Variants in TRABD observed in about 807,000 individuals in gnomAD.
TRABD encodes TraB domain containing.
In TRABD, 23 loss-of-function variants were observed where a neutral mutation model predicts 39.6. The observed-to-expected ratio is 0.58, with a 90% confidence interval of 0.42 to 0.82. The LOEUF (loss-of-function observed/expected upper bound fraction) is 0.82. Ranked by LOEUF, TRABD falls within the 40% of genes least tolerant of loss-of-function variation. The pLI, the probability that TRABD is intolerant of heterozygous loss-of-function variation, is 0.00. For synonymous variants in TRABD, 243 were observed against 232.1 expected (o/e 1.05, Z -0.43); for missense variants, 487 against 544.9 (o/e 0.89, Z 1.06).
chr22:50,197,753 C>G (rs1213747117), intron 7 of TRABD, 70 bp from the exon 8 acceptor site: 4 of 1,582,100 alleles, frequency 2.5e-6, no homozygotes, highest in Non-Finnish European at 3.4e-6. Flanking sequence ...TGCCCGGTGT[C>G]CACAGTGCCA....
At chr22:50,197,763 A>AGCCCCCCCCCCCCCCCCCCCGT in intron 7 of TRABD, 60 bp from the exon 8 acceptor site, 2 of 1,439,782 alleles carry the variant, frequency 1.4e-6, no homozygotes, top group Non-Finnish European at 1.9e-6. Context: ...CCACAGTGCC[A>AGCCCCCCCCCCCCCCCCCCCGT]GCCCCACCCC....
intron 1 of TRABD, among the ~76,000 whole-genome samples, chr22:50,189,388 G>A (rs1046862832): frequency 2.0e-5 from 3 of 152,170 alleles, no homozygotes; most frequent in South Asian, 4.1e-4. Context: ...CCCACAAATC[G>A]TGTTCAGCAC....
At chr22:50,197,766 C>CCCCCCCCCCCCCCCGGGG in intron 7 of TRABD, 57 bp from the exon 8 acceptor site, 1 of 925,782 alleles carries the variant, frequency 1.1e-6, no homozygotes, top group Non-Finnish European at 1.7e-6. Context: ...CAGTGCCAGC[C>CCCCCCCCCCCCCCCGGGG]CCACCCCCCC....
In TRABD at chr22:50,198,260, C is replaced by G. The variant is rs2064196720; in HGVS notation, c.956+74C>G. 6.6e-7 allele frequency: 1 copy of G among 1,524,858 alleles called. No individual in the cohort carries two copies. The highest frequency in any genetic ancestry group is 8.9e-7 in the Non-Finnish European group (1 of 1,121,580). 94.5% of individuals were successfully genotyped at this position (1,524,858 alleles called of 1,614,324 possible). A position where few individuals can be genotyped will look rare whatever the true frequency, so the allele number is the denominator to read the frequency against. On this transcript the variant is annotated intron_variant, in intron 9 of 9. Transcript: ENST00000380909. The surrounding 1 kb of genome is among the most constrained non-coding windows in gnomAD (Gnocchi z 7.9). Reference sequence around the variant, plus strand: ...GGAGGCTGAGCGCCCTGGAGGCCAACCACATGCGGCAGTGACCCAGGCATG... The same window carrying G: ...GGAGGCTGAGCGCCCTGGAGGCCAAGCACATGCGGCAGTGACCCAGGCATG...
intron 1 of TRABD, among the ~76,000 whole-genome samples, chr22:50,187,072 C>G (rs1014368304): frequency 6.6e-6 from 1 of 152,222 alleles, no homozygotes; most frequent in Admixed American, 6.5e-5. Flanking sequence ...TTGCTGCCGC[C>G]GCCCTTGCAG....
Position 50,198,071 on chromosome 22 carries a change from A to G in TRABD, c.845-4A>G, listed in dbSNP as rs1485495593. The G allele has an allele frequency of 5.6e-6, 9 of 1,612,288 alleles. No homozygotes were observed. Among genetic ancestry groups the G allele is most frequent in the Non-Finnish European group, 7.6e-6 (9 of 1,179,588 alleles). On this transcript the variant is annotated splice_region_variant and splice_polypyrimidine_tract_variant and intron_variant, in intron 8 of 9. Transcript: ENST00000380909. The surrounding 1 kb of genome is among the most constrained non-coding windows in gnomAD (Gnocchi z 7.9). Reference sequence around the variant, plus strand: ...AGGTACTGACCCCTTGTCCTTCCCCACAGCCGAGCCCAGGAAGTGCGTCCC... The same window carrying G: ...AGGTACTGACCCCTTGTCCTTCCCCGCAGCCGAGCCCAGGAAGTGCGTCCC...
chr22:50,198,823 G>A lies in TRABD; in HGVS notation c.*304G>A, dbSNP rs975072251. The A allele has an allele frequency of 1.6e-4, 88 of 544,076 alleles. No homozygotes were observed. The highest frequency in any genetic ancestry group is 1.0e-3 in the African/African-American group (54 of 51,956). 33.7% of individuals were successfully genotyped at this position (544,076 alleles called of 1,614,324 possible). On this transcript the variant is annotated 3_prime_UTR_variant, in exon 10 of 10. Coordinates refer to ENST00000380909, the MANE Select transcript of TRABD (RefSeq NM_001320485.2). The surrounding 1 kb of genome is among the most constrained non-coding windows in gnomAD (Gnocchi z 7.9). ...AGGGGCTTATAGGAGGGGCCGAGGC[G>A]TGCGCTGCCCTCTCAGCCCTGGTGG...
At chr22:50,193,699 G>C in intron 3 of TRABD, 45 bp downstream of exon 3, 4 of 1,586,554 alleles carry the variant, frequency 2.5e-6, no homozygotes, top group Non-Finnish European at 3.5e-6. Context: ...GTGTTGGGCT[G>C]TTGAGTCAGG....
Position 50,199,070 on chromosome 22 carries a change from T to C in TRABD, c.*551T>C, listed in dbSNP as rs2064234267. ...CCTGCAGGGATTCTGTGTTTTTGGCTTTTTTAATGTCTTAAAATCTTTTAC... is the reference window on the plus strand; with the variant it reads ...CCTGCAGGGATTCTGTGTTTTTGGCCTTTTTAATGTCTTAAAATCTTTTAC... On this transcript the variant is annotated 3_prime_UTR_variant, in exon 10 of 10. Coordinates refer to ENST00000380909, the MANE Select transcript of TRABD (RefSeq NM_001320485.2). The C allele has an allele frequency of 1.4e-6, 1 of 712,984 alleles. No individual in the cohort carries two copies. The highest frequency in any genetic ancestry group is 2.6e-6 in the Non-Finnish European group (1 of 382,630). 44.2% of individuals were successfully genotyped at this position (712,984 alleles called of 1,614,324 possible).
intron 5 of TRABD, among the ~76,000 whole-genome samples, chr22:50,195,638 A>G (rs1266348875): frequency 6.6e-6 from 1 of 151,446 alleles, no homozygotes; most frequent in Non-Finnish European, 1.5e-5. Flanking sequence ...AATTTTTTGT[A>G]TTTTTAGTAG....
intron 3 of TRABD, 27 bp from the exon 4 acceptor site, chr22:50,194,313 C>T: frequency 2.5e-6 from 4 of 1,602,854 alleles, no homozygotes; most frequent in East Asian, 2.2e-5. Context: ...GGGCCCGGCA[C>T]CACAACGGCC....
In TRABD at chr22:50,193,597, CCGTCAGAGG is replaced by C. The variant is rs1569083388; in HGVS notation, c.57_65del (p.Ala22_Glu24del). On this transcript the variant is annotated inframe_deletion, in exon 3 of 10. Transcript: ENST00000380909. ...GCAGGCCAACGTGGAACCTGTTGTG[CCGTCAGAGG>C]CTTCAGAGCCGGTGCCCAGGGTGCT... 1 of 1,613,798 alleles carries C rather than the reference CCGTCAGAGG, an allele frequency of 6.2e-7. No individual in the cohort carries two copies. Among genetic ancestry groups the C allele is most frequent in the Admixed American group, 1.7e-5 (1 of 60,014 alleles).
intron 5 of TRABD, 26 bp downstream of exon 5, chr22:50,195,066 G>A (rs1268582210): frequency 6.5e-7 from 1 of 1,543,022 alleles, no homozygotes; most frequent in East Asian, 2.4e-5. Context: ...CAAGGGTCAG[G>A]GTCAGGGTCG....
rs185343639 is a variant in TRABD, at chr22:50,195,575, G to A, written c.420+535G>A. On this transcript the variant is annotated intron_variant, in intron 5 of 9. Coordinates refer to ENST00000380909, the MANE Select transcript of TRABD (RefSeq NM_001320485.2). ...CCTCCTGGGTTCTAGTGATGCTCCC[G>A]CCTCAGCCTCCTGAGTAGCTGGGAT... Among the ~76,000 whole-genome samples the A allele has an allele frequency of 1.6e-3, 249 of 151,928 alleles. 1 individual carries two copies. Among genetic ancestry groups the A allele is most frequent in the African/African-American group, 5.9e-3 (244 of 41,418 alleles).
At chr22:50,195,869 G>A (rs1181410725) in intron 5 of TRABD, among the ~76,000 whole-genome samples, 1 of 152,092 alleles carries the variant, frequency 6.6e-6, no homozygotes, top group Non-Finnish European at 1.5e-5. Flanking sequence ...TTATAGAAAT[G>A]TCCCTAAACG....
At chr22:50,194,617 C>A (rs1191937205) in intron 4 of TRABD, 111 bp downstream of exon 4, 6 of 1,476,050 alleles carry the variant, frequency 4.1e-6, no homozygotes, top group Admixed American at 2.4e-5. Flanking sequence ...GCACCGCAGG[C>A]CTCCTGCTTC....
chr22:50,193,774 C>G, intron 3 of TRABD, 120 bp downstream of exon 3: 1 of 966,586 alleles, frequency 1.0e-6, no homozygotes, highest in Non-Finnish European at 1.6e-6. Context: ...GGGCCCTGGC[C>G]GAGACCTGAG....
At chr22:50,188,136 TG>T (rs35568334) in intron 1 of TRABD, among the ~76,000 whole-genome samples, 1 of 151,512 alleles carries the variant, frequency 6.6e-6, no homozygotes, top group Admixed American at 6.6e-5. Context: ...AAAAATTAGC[TG>T]GGGGTGGTGG....
At chr22:50,195,095 T>C in intron 5 of TRABD, 55 bp downstream of exon 5, 1 of 1,500,876 alleles carries the variant, frequency 6.7e-7, no homozygotes, top group Non-Finnish European at 8.9e-7. Flanking sequence ...GCCACCTGTT[T>C]GCCTGTTGCC....
Sources: gnomAD v4.1 joint callset for allele counts (sites outside exome capture counted in the v4.1 genomes callset) on GRCh38, gnomAD v4.1.1 for gene constraint, Gnocchi (gnomAD v3.1) non-coding constraint, MANE v1.5 for transcripts, NCBI Gene and HGNC (gene_info 2026-07-23, HGNC 2026-07-21) for gene names.